Variants in CNTN5 observed in about 807,000 individuals in gnomAD.
CNTN5 encodes contactin 5.
CNTN5 carries 77 observed loss-of-function variants against 129.1 expected under a neutral mutation model. The ratio of observed to expected loss-of-function variants is 0.60; its 90% CI spans 0.50 to 0.72. The LOEUF is 0.72. Among genes scored for constraint, CNTN5 ranks in the 30% least tolerant of loss-of-function variants. CNTN5 has a pLI of 0.00. For missense variants in CNTN5, 1,478 were observed against 1,328.8 expected (o/e 1.11, Z -1.75); for synonymous variants, 509 against 465.6 (o/e 1.09, Z -1.20).
intron 3 of CNTN5, among the ~76,000 whole-genome samples, chr11:99,626,975 C>A (rs566753681): frequency 1.3e-5 from 2 of 152,204 alleles, no homozygotes; most frequent in South Asian, 2.1e-4. Context: ...GTCAGCTCAG[C>A]CTCATTGTTC....
At chr11:99,961,092 C>G (rs11222057) in intron 8 of CNTN5, among the ~76,000 whole-genome samples, 2 of 151,346 alleles carry the variant, frequency 1.3e-5, no homozygotes, top group Non-Finnish European at 2.9e-5. Context: ...GTAGTCCCCA[C>G]TACCCGGGAG....
At chr11:99,558,443 A>G (rs552439051) in intron 3 of CNTN5, 1 of 170,496 alleles carries the variant, frequency 5.9e-6, no homozygotes, top group East Asian at 1.7e-4. Flanking sequence ...CATTTTATCT[A>G]GAAATTAAAT....
chr11:99,502,305 C>G (rs932126976), intron 2 of CNTN5, among the ~76,000 whole-genome samples: 12 of 151,896 alleles, frequency 7.9e-5, no homozygotes, highest in Non-Finnish European at 1.5e-4. Flanking sequence ...TTTCTTGTGT[C>G]TTTAATATGG....
Position 99,384,664 on chromosome 11 carries a change from TATTG to T in CNTN5, c.-71+59182_-71+59185del, listed in dbSNP as rs570414982. Among the ~76,000 whole-genome samples the T allele has an allele frequency of 8.5e-5, 13 of 152,362 alleles. No individual in the cohort carries two copies. In the South Asian group the frequency reaches 2.7e-3, roughly 32 times the overall value. On this transcript the variant is annotated intron_variant, in intron 2 of 24. Coordinates refer to ENST00000524871, the MANE Select transcript of CNTN5 (RefSeq NM_014361.4). ...TGGATCTGTCAATTCAACCAGGTTT[TATTG>T]AACTATTCTAATTATCTTAAAGAAA...
intron 3 of CNTN5, among the ~76,000 whole-genome samples, chr11:99,653,106 T>G (rs1952221265): frequency 6.6e-6 from 1 of 151,960 alleles, no homozygotes; most frequent in Non-Finnish European, 1.5e-5. Flanking sequence ...GGTGACAACT[T>G]TGAAAAATAG....
intron 13 of CNTN5, among the ~76,000 whole-genome samples, chr11:100,108,956 A>C (rs1945550168): frequency 6.6e-6 from 1 of 152,132 alleles, no homozygotes; most frequent in Admixed American, 6.6e-5. Flanking sequence ...GAAAAAATGC[A>C]AAATCAGTGG....
At chr11:99,510,843 A>G (rs1053020515) in intron 2 of CNTN5, among the ~76,000 whole-genome samples, 3 of 152,118 alleles carry the variant, frequency 2.0e-5, no homozygotes, top group African/African-American at 7.2e-5. Context: ...GATATTTTTT[A>G]TAAAGTTGAG....
intron 1 of CNTN5, among the ~76,000 whole-genome samples, chr11:99,204,914 A>G (rs1399417295): frequency 6.6e-6 from 1 of 152,168 alleles, no homozygotes; most frequent in African/African-American, 2.4e-5. Flanking sequence ...GTGCTTTCTA[A>G]GCTTGATTGA....
At chr11:99,350,499 G>A (rs1938220911) in intron 2 of CNTN5, among the ~76,000 whole-genome samples, 1 of 152,148 alleles carries the variant, frequency 6.6e-6, no homozygotes, top group Admixed American at 6.6e-5. Flanking sequence ...ACAAAAATAT[G>A]TGTACGAGAA....
intron 8 of CNTN5, among the ~76,000 whole-genome samples, chr11:99,965,400 C>A (rs1951066715): frequency 6.6e-6 from 1 of 152,122 alleles, no homozygotes; most frequent in South Asian, 2.1e-4. Flanking sequence ...TTTATTTCTG[C>A]CTTCATTTCG....
intron 23 of CNTN5, among the ~76,000 whole-genome samples, chr11:100,350,366 T>C (rs1429928397): frequency 6.6e-6 from 1 of 151,756 alleles, no homozygotes. Context: ...TTGTTTCTTA[T>C]TGCTTAGATG....
chr11:99,991,654 T>C (rs917110619), intron 8 of CNTN5, among the ~76,000 whole-genome samples: 1 of 152,206 alleles, frequency 6.6e-6, no homozygotes, highest in African/African-American at 2.4e-5. Context: ...TCTATCTGTA[T>C]TGACTTAATT....
At chr11:99,271,851 A>C (rs558719167) in intron 1 of CNTN5, among the ~76,000 whole-genome samples, 2 of 151,988 alleles carry the variant, frequency 1.3e-5, no homozygotes, top group Non-Finnish European at 2.9e-5. Flanking sequence ...TGATCCAAGA[A>C]AAAAGATAGA....
intron 9 of CNTN5, among the ~76,000 whole-genome samples, chr11:100,023,553 G>T (rs1399811523): frequency 6.6e-6 from 1 of 152,114 alleles, no homozygotes; most frequent in Admixed American, 6.5e-5. Context: ...TTCTTTTAGT[G>T]TTCTAAATTC....
At chr11:99,753,675 A>G (rs1432351198) in intron 3 of CNTN5, among the ~76,000 whole-genome samples, 2 of 137,826 alleles carry the variant, frequency 1.5e-5, no homozygotes, top group Non-Finnish European at 3.1e-5. Context: ...AAAAACAGGT[A>G]AAAAGAAATC....
chr11:99,425,674 G>A (rs1295684061), intron 2 of CNTN5, among the ~76,000 whole-genome samples: 1 of 152,260 alleles, frequency 6.6e-6, no homozygotes, highest in Non-Finnish European at 1.5e-5. Flanking sequence ...ACACTTAGGA[G>A]CTTTCAAGGG....
chr11:100,166,189 A>T (rs1947629176), intron 13 of CNTN5, among the ~76,000 whole-genome samples: 1 of 151,770 alleles, frequency 6.6e-6, no homozygotes, highest in African/African-American at 2.4e-5. Flanking sequence ...TTTTGGAGTG[A>T]AAAATACATT....
intron 1 of CNTN5, among the ~76,000 whole-genome samples, chr11:99,226,645 A>G (rs1296381874): frequency 6.6e-6 from 1 of 152,140 alleles, no homozygotes; most frequent in Non-Finnish European, 1.5e-5. Context: ...TATCTTCACT[A>G]TAGAAAAATC....
chr11:99,889,692 C>T (rs530460444), intron 6 of CNTN5, among the ~76,000 whole-genome samples: 1 of 151,920 alleles, frequency 6.6e-6, no homozygotes, highest in Admixed American at 6.6e-5. Context: ...CCCACTGCCA[C>T]GTCCAGCTAA....
Sources: gnomAD v4.1 joint callset for allele counts (sites outside exome capture counted in the v4.1 genomes callset) on GRCh38, gnomAD v4.1.1 for gene constraint, MANE v1.5 for transcripts, NCBI Gene and HGNC (gene_info 2026-07-23, HGNC 2026-07-21) for gene names.